Variants in HTR1F observed in about 807,000 individuals in gnomAD.
HTR1F encodes the protein 5-hydroxytryptamine (serotonin) receptor 1F, G protein-coupled.
HTR1F carries 17 observed loss-of-function variants against 24.0 expected under a neutral mutation model. That is an observed-to-expected ratio of 0.71 (90% CI 0.48 to 1.06). The LOEUF (loss-of-function observed/expected upper bound fraction) is 1.06. Among genes scored for constraint, HTR1F ranks in the 50% least tolerant of loss-of-function variants. The probability of loss-of-function intolerance (pLI) is 0.00; values close to 1 mark genes in which losing one functional copy is unlikely to be tolerated. For missense variants in HTR1F, 391 were observed against 427.8 expected (o/e 0.91, Z 0.76); for synonymous variants, 186 against 156.8 (o/e 1.19, Z -1.39).
At chr3:87,955,792 T>A (rs1333170090) in intron 2 of HTR1F, among the ~76,000 whole-genome samples, 1 of 151,494 alleles carries the variant, frequency 6.6e-6, no homozygotes, top group East Asian at 1.9e-4. Context: ...AAGACAGTGA[T>A]GTTGACCATA....
intron 2 of HTR1F, among the ~76,000 whole-genome samples, chr3:87,885,313 A>G (rs1705910940): frequency 1.3e-5 from 2 of 152,128 alleles, no homozygotes; most frequent in Non-Finnish European, 2.9e-5. Context: ...AGACACAACG[A>G]ACCAGAATCT....
At chr3:87,875,587 C>G (rs1705651916) in intron 2 of HTR1F, among the ~76,000 whole-genome samples, 1 of 151,916 alleles carries the variant, frequency 6.6e-6, no homozygotes, top group African/African-American at 2.4e-5. Flanking sequence ...ATGTACAGAA[C>G]TCATAGGACA....
intron 1 of HTR1F, among the ~76,000 whole-genome samples, chr3:87,816,442 C>G (rs1443138388): frequency 6.6e-6 from 1 of 151,956 alleles, no homozygotes; most frequent in Admixed American, 6.6e-5. Context: ...AGTAAAAAAT[C>G]AAATATTCTT....
chr3:87,861,898 CATAAA>C (rs1344644709), intron 2 of HTR1F, among the ~76,000 whole-genome samples: 1 of 152,132 alleles, frequency 6.6e-6, no homozygotes, highest in African/African-American at 2.4e-5. Flanking sequence ...TACCACTGCA[CATAAA>C]ATATCAAAAC....
intron 2 of HTR1F, among the ~76,000 whole-genome samples, chr3:87,977,283 ATAT>A (rs1465348143): frequency 1.3e-5 from 2 of 152,162 alleles, no homozygotes; most frequent in South Asian, 2.1e-4. Context: ...ACAAATAATA[ATAT>A]TAAGTTTTTT....
At chr3:87,883,113 AGCAATATTTGCTGTGCT>A (rs1031567125) in intron 2 of HTR1F, among the ~76,000 whole-genome samples, 2 of 152,172 alleles carry the variant, frequency 1.3e-5, no homozygotes, top group African/African-American at 4.8e-5. Context: ...AGGATCAGGC[AGCAATATTTGCTGTGCT>A]GCAATATTTG....
intron 1 of HTR1F, among the ~76,000 whole-genome samples, chr3:87,803,510 T>C (rs969028651): frequency 6.6e-6 from 1 of 152,126 alleles, no homozygotes; most frequent in Non-Finnish European, 1.5e-5. Flanking sequence ...TGTGAAATTG[T>C]AAGTAGACAA....
At chr3:87,926,228 A>C (rs1704123714) in intron 2 of HTR1F, among the ~76,000 whole-genome samples, 1 of 152,232 alleles carries the variant, frequency 6.6e-6, no homozygotes, top group African/African-American at 2.4e-5. Flanking sequence ...GTCCTTTTAA[A>C]AAACACTCAC....
intron 2 of HTR1F, among the ~76,000 whole-genome samples, chr3:87,966,945 A>G (rs200294559): frequency 6.6e-6 from 1 of 152,094 alleles, no homozygotes; most frequent in East Asian, 1.9e-4. Context: ...TATACTCTTA[A>G]TTAGTTAAGA....
chr3:87,916,843 C>T (rs1365312594), intron 2 of HTR1F, among the ~76,000 whole-genome samples: 1 of 152,084 alleles, frequency 6.6e-6, no homozygotes, highest in Non-Finnish European at 1.5e-5. Context: ...TGTATTTAAA[C>T]TATACCCTGG....
At position 87,990,816 on chromosome 3, in the gene HTR1F, A is replaced by C; in HGVS notation, c.67A>C (p.Lys23Gln). 1 of 1,613,992 alleles carries C rather than the reference A, an allele frequency of 6.2e-7. No individual in the cohort carries two copies. Among genetic ancestry groups the C allele is most frequent in the Non-Finnish European group, 8.5e-7 (1 of 1,179,820 alleles). Residue 23 changes from lysine (K) to glutamine (Q), a missense_variant, in exon 3 of 3, where the codon AAA becomes CAA. Transcript: ENST00000319595. ...SEELLNRMPS[K>Q]ILVSLTLSGL... ...GGAACTGTTAAACAGAATGCCATCC[A>C]AAATTCTGGTGTCCCTCACTCTGTC...
chr3:87,979,018 A>AG (rs1705466325), intron 2 of HTR1F, among the ~76,000 whole-genome samples: 15 of 4,746 alleles, frequency 3.2e-3, no homozygotes, highest in African/African-American at 7.1e-3. Context: ...AAGGGAGGGA[A>AG]GGAGGGAGGG....
chr3:87,870,239 T>C (rs1195083711), intron 2 of HTR1F, among the ~76,000 whole-genome samples: 1 of 152,050 alleles, frequency 6.6e-6, no homozygotes, highest in African/African-American at 2.4e-5. Context: ...TTGTCAAAAC[T>C]TTCCCCACAA....
chr3:87,905,181 A>G (rs1210471409), intron 2 of HTR1F, among the ~76,000 whole-genome samples: 2 of 151,872 alleles, frequency 1.3e-5, no homozygotes, highest in African/African-American at 4.8e-5. Flanking sequence ...TTGGTGGTAT[A>G]TGTCTGTAGT....
At chr3:87,923,682 CT>C (rs1576035805) in intron 2 of HTR1F, among the ~76,000 whole-genome samples, 1 of 151,738 alleles carries the variant, frequency 6.6e-6, no homozygotes, top group East Asian at 1.9e-4. Context: ...TCAATACCTA[CT>C]TTGTTAAGAG....
intron 2 of HTR1F, among the ~76,000 whole-genome samples, chr3:87,968,456 C>G (rs1327581809): frequency 6.6e-6 from 1 of 152,042 alleles, no homozygotes; most frequent in African/African-American, 2.4e-5. Flanking sequence ...CAGGTGATCA[C>G]CCACCTCACC....
intron 2 of HTR1F, among the ~76,000 whole-genome samples, chr3:87,869,416 G>GATACATAC (rs1488799253): frequency 6.0e-4 from 69 of 114,568 alleles, no homozygotes; most frequent in African/African-American, 2.6e-3. Flanking sequence ...TAGATAGATA[G>GATACATAC]ATAGATAGAT....
At chr3:87,820,125 A>G (rs1463400021) in intron 1 of HTR1F, among the ~76,000 whole-genome samples, 2 of 152,114 alleles carry the variant, frequency 1.3e-5, no homozygotes, top group Non-Finnish European at 2.9e-5. Context: ...AGATAAAAGA[A>G]CAGATATGAG....
intron 2 of HTR1F, among the ~76,000 whole-genome samples, chr3:87,888,427 C>A (rs577769302): frequency 6.6e-6 from 1 of 151,904 alleles, no homozygotes; most frequent in African/African-American, 2.4e-5. Context: ...AATACCAAAC[C>A]TGCACATTGT....
Sources: allele counts gnomAD v4.1 joint callset (sites outside exome capture counted in the v4.1 genomes callset), GRCh38; gene constraint gnomAD v4.1.1; transcripts MANE v1.5; gene names NCBI Gene and HGNC (gene_info 2026-07-23, HGNC 2026-07-21).